The following FRMD4A variants were observed in gnomAD, a reference collection of about 807,000 sequenced individuals.
FRMD4A encodes the protein FERM domain-containing protein 4A.
A neutral mutation model predicts 129.1 loss-of-function variants in FRMD4A; 29 were observed. The ratio of observed to expected loss-of-function variants is 0.22; its 90% confidence interval spans 0.17 to 0.31. The LOEUF is 0.31. Ranked by LOEUF, FRMD4A falls within the 10% of genes least tolerant of loss-of-function variation. The probability of loss-of-function intolerance (pLI) is 1.00; values close to 1 mark genes in which losing one functional copy is unlikely to be tolerated. For synonymous variants in FRMD4A, 634 were observed against 571.6 expected, an observed-to-expected ratio of 1.11 and a Z score of -1.56; for missense variants, 1,272 against 1,375.8, an observed-to-expected ratio of 0.92 and a Z score of 1.19.
chr10:14,189,828 A>G (rs74956247), intron 2 of FRMD4A, among the ~76,000 whole-genome samples: 6,611 of 152,296 alleles, frequency 0.043, 233 homozygotes, highest in Non-Finnish European at 0.067. Context: ...CCTGATGCTC[A>G]TTAATGAGAA....
At chr10:13,885,556 C>T (rs2094609490) in intron 2 of FRMD4A, among the ~76,000 whole-genome samples, 1 of 152,204 alleles carries the variant, frequency 6.6e-6, no homozygotes, top group South Asian at 2.1e-4. Flanking sequence ...TCTAGATACC[C>T]CCTTTCATTC....
At chr10:14,132,260 C>T (rs1839300289) in intron 2 of FRMD4A, among the ~76,000 whole-genome samples, 2 of 152,146 alleles carry the variant, frequency 1.3e-5, no homozygotes, top group African/African-American at 4.8e-5. Flanking sequence ...AGTACTCCAG[C>T]CTGGGTGACA....
At chr10:14,079,892 G>C (rs1835826881) in intron 2 of FRMD4A, among the ~76,000 whole-genome samples, 1 of 152,258 alleles carries the variant, frequency 6.6e-6, no homozygotes, top group African/African-American at 2.4e-5. Flanking sequence ...GGTCAAGGAT[G>C]TGGAGTTTCT....
intron 17 of FRMD4A, among the ~76,000 whole-genome samples, chr10:13,669,073 T>G (rs2083299878): frequency 6.8e-6 from 1 of 147,784 alleles, no homozygotes; most frequent in African/African-American, 2.5e-5. Context: ...TTTTTTTTTT[T>G]TTTTTTTTTT....
chr10:14,218,950 C>A (rs1262099759), intron 2 of FRMD4A, among the ~76,000 whole-genome samples: 3 of 74,022 alleles, frequency 4.1e-5, no homozygotes, highest in South Asian at 5.3e-4. Context: ...AGTGAGACTT[C>A]ATCTCAAAAA....
intron 2 of FRMD4A, among the ~76,000 whole-genome samples, chr10:13,960,143 A>G (rs2447026): frequency 0.81 from 123,011 of 152,190 alleles, 50,288 homozygotes; most frequent in East Asian, 0.98. Context: ...AGCCCCAGGA[A>G]GTACCTGCTA....
intron 2 of FRMD4A, among the ~76,000 whole-genome samples, chr10:14,236,352 G>T (rs1843814288): frequency 1.3e-5 from 2 of 152,178 alleles, no homozygotes. Flanking sequence ...AGGTGTGATT[G>T]GAAGGATTTG....
At chr10:13,753,018 C>T (rs1279461034) in intron 8 of FRMD4A, among the ~76,000 whole-genome samples, 7 of 152,142 alleles carry the variant, frequency 4.6e-5, no homozygotes, top group African/African-American at 1.2e-4. Context: ...GTTCTGAATT[C>T]GTAAACATTG....
chr10:14,155,563 GGTTTCCTTACATTGT>G (rs1840555573), intron 2 of FRMD4A, among the ~76,000 whole-genome samples: 1 of 152,102 alleles, frequency 6.6e-6, no homozygotes. Context: ...GAGTCTAGCA[GGTTTCCTTACATTGT>G]TATGAGTTTT....
At chr10:14,025,764 T>C (rs1240224980) in intron 2 of FRMD4A, among the ~76,000 whole-genome samples, 1 of 152,210 alleles carries the variant, frequency 6.6e-6, no homozygotes, top group East Asian at 1.9e-4. Flanking sequence ...AGGGACCTCG[T>C]ATAAGTGAGA....
At chr10:14,318,180 A>G (rs1846819316) in intron 2 of FRMD4A, among the ~76,000 whole-genome samples, 1 of 151,986 alleles carries the variant, frequency 6.6e-6, no homozygotes, top group Non-Finnish European at 1.5e-5. Context: ...ATGACCAAAG[A>G]CTCAGCCTCA....
At chr10:13,782,004 G>A (rs1264056610) in intron 6 of FRMD4A, among the ~76,000 whole-genome samples, 5 of 151,998 alleles carry the variant, frequency 3.3e-5, no homozygotes, top group Middle Eastern at 6.4e-3. Flanking sequence ...TCGAGTGAAG[G>A]GTGCACCAAA....
At chr10:13,798,927 C>T (rs1008239587) in intron 4 of FRMD4A, among the ~76,000 whole-genome samples, 9 of 152,178 alleles carry the variant, frequency 5.9e-5, no homozygotes, top group South Asian at 2.1e-4. Context: ...GCTGTTCCTT[C>T]GTCCCAGTAG....
intron 2 of FRMD4A, among the ~76,000 whole-genome samples, chr10:14,318,326 C>G (rs201038790): frequency 2.7e-4 from 5 of 18,638 alleles, no homozygotes; most frequent in Admixed American, 1.4e-3. Flanking sequence ...TATCCCCCCC[C>G]ACCTTTTTTT....
At chr10:14,206,815 A>AAAAATAAAAAG in intron 2 of FRMD4A, among the ~76,000 whole-genome samples, 2 of 148,852 alleles carry the variant, frequency 1.3e-5, no homozygotes, top group Non-Finnish European at 3.0e-5. Flanking sequence ...ATCTCAAAAA[A>AAAAATAAAAAG]AAAAAAGAGA....
chr10:13,858,352 T>C (rs1259742629), intron 3 of FRMD4A, among the ~76,000 whole-genome samples: 4 of 152,174 alleles, frequency 2.6e-5, no homozygotes, highest in Non-Finnish European at 5.9e-5. Context: ...GGAGAATCGC[T>C]TGAACCTGGG....
At chr10:13,792,309 C>T (rs1195700389) in intron 5 of FRMD4A, among the ~76,000 whole-genome samples, 1 of 152,134 alleles carries the variant, frequency 6.6e-6, no homozygotes, top group Admixed American at 6.5e-5. Flanking sequence ...TTCGCTGCTC[C>T]TGGCCCTGCC....
chr10:14,324,470 A>G (rs1843185073), intron 2 of FRMD4A, among the ~76,000 whole-genome samples: 1 of 152,146 alleles, frequency 6.6e-6, no homozygotes. Flanking sequence ...AGACCCAAAT[A>G]TCTAGGACCT....
At chr10:14,253,827 G>T (rs546446364) in intron 2 of FRMD4A, among the ~76,000 whole-genome samples, 2 of 152,224 alleles carry the variant, frequency 1.3e-5, no homozygotes, top group Non-Finnish European at 2.9e-5. Context: ...GGGGAAGCTC[G>T]CTGAGACAGC....
Sources: gnomAD v4.1 joint callset for allele counts (sites outside exome capture counted in the v4.1 genomes callset) on GRCh38, gnomAD v4.1.1 for gene constraint, MANE v1.5 for transcripts, NCBI Gene and HGNC (gene_info 2026-07-23, HGNC 2026-07-21) for gene names.